The following FBXW7 variants were observed in gnomAD, a reference collection of about 807,000 sequenced individuals.
FBXW7 encodes the protein F-box and WD repeat domain containing 7.
Under a neutral mutation model 86.3 loss-of-function variants are expected in FBXW7, and 11 were observed. The ratio of observed to expected loss-of-function variants is 0.13; its 90% CI spans 0.08 to 0.21. The LOEUF is 0.21. Ranked by LOEUF, FBXW7 falls within the 10% of genes least tolerant of loss-of-function variation. The probability of loss-of-function intolerance (pLI) is 1.00; values close to 1 mark genes in which losing one functional copy is unlikely to be tolerated. For missense variants in FBXW7, 488 were observed against 847.4 expected (o/e 0.58, Z 5.27); for synonymous variants, 313 against 297.9 (o/e 1.05, Z -0.52).
At chr4:152,502,339 C>A (rs1239434145) in intron 2 of FBXW7, among the ~76,000 whole-genome samples, 1 of 152,184 alleles carries the variant, frequency 6.6e-6, no homozygotes, top group South Asian at 2.1e-4. Flanking sequence ...TTATACTCCA[C>A]ATCTCAGGAT....
intron 2 of FBXW7, among the ~76,000 whole-genome samples, chr4:152,446,429 A>G (rs577628870): frequency 1.3e-5 from 2 of 152,080 alleles, no homozygotes; most frequent in East Asian, 3.9e-4. Flanking sequence ...TTCAAGGTCA[A>G]GTATTCTAAT....
At chr4:152,345,967 A>G (rs1026283909) in intron 6 of FBXW7, among the ~76,000 whole-genome samples, 2 of 152,118 alleles carry the variant, frequency 1.3e-5, no homozygotes, top group African/African-American at 4.8e-5. Context: ...TTTTTACATT[A>G]CTATGGAGGC....
At position 152,535,454 on chromosome 4, in the gene FBXW7, C is replaced by T; in HGVS notation, c.-540G>A. 2.5e-6 allele frequency: 1 copy of T among 392,360 alleles called. No individual in the cohort carries two copies. Among genetic ancestry groups the T allele is most frequent in the Non-Finnish European group, 4.5e-6 (1 of 222,426 alleles). The allele number at this position is 392,360 out of a possible 1,614,324, so 24.3% of individuals were successfully genotyped here. ...GCGGCGTCGGTCCTGTTCTCTCCGC[C>T]GCCCCAGCCGCCGCTTCACATCGGG... On this transcript the variant is annotated 5_prime_UTR_variant, in exon 1 of 14. Transcript: ENST00000281708.
At chr4:152,486,047 C>G (rs891773096) in intron 2 of FBXW7, among the ~76,000 whole-genome samples, 2 of 152,098 alleles carry the variant, frequency 1.3e-5, no homozygotes, top group African/African-American at 4.8e-5. Context: ...CTGAATACTG[C>G]CTGGTAACTG....
intron 7 of FBXW7, 107 bp from the exon 8 acceptor site, chr4:152,332,826 G>A (rs535429105): frequency 2.0e-6 from 1 of 492,124 alleles, no homozygotes; most frequent in East Asian, 9.9e-5. Flanking sequence ...ATATAATTCT[G>A]CACTCTGATT....
intron 4 of FBXW7, among the ~76,000 whole-genome samples, chr4:152,392,733 T>C (rs1356892729): frequency 1.3e-5 from 2 of 152,000 alleles, no homozygotes; most frequent in African/African-American, 4.8e-5. Context: ...GTCATCCTAG[T>C]GGAGTGTTAA....
chr4:152,454,262 C>CCCT (rs71596291), intron 2 of FBXW7, among the ~76,000 whole-genome samples: 2 of 113,720 alleles, frequency 1.8e-5, no homozygotes, highest in African/African-American at 6.5e-5. Flanking sequence ...CCCCCCCCCC[C>CCCT]TTTTTTTTTT....
chr4:152,454,259 C>G (rs866726432), intron 2 of FBXW7, among the ~76,000 whole-genome samples: 188 of 131,440 alleles, frequency 1.4e-3, no homozygotes, highest in Middle Eastern at 3.8e-3. Flanking sequence ...AAGCCCCCCC[C>G]CCCTTTTTTT....
intron 2 of FBXW7, among the ~76,000 whole-genome samples, chr4:152,425,897 A>G (rs557068349): frequency 6.6e-6 from 1 of 152,346 alleles, no homozygotes; most frequent in East Asian, 1.9e-4. Flanking sequence ...CAGGGTGAAC[A>G]GAAAATAAAC....
At chr4:152,400,328 C>T (rs914377162) in intron 4 of FBXW7, among the ~76,000 whole-genome samples, 4 of 152,106 alleles carry the variant, frequency 2.6e-5, no homozygotes, top group Non-Finnish European at 5.9e-5. Flanking sequence ...AACTATAAAA[C>T]TCTTAGAAGA....
At chr4:152,530,134 T>C (rs1010910902) in intron 2 of FBXW7, 8 of 150,412 alleles carry the variant, frequency 5.3e-5, no homozygotes, top group South Asian at 4.2e-4. Flanking sequence ...TATATATATA[T>C]ACGTATATAT....
At chr4:152,507,893 GA>G (rs540341471) in intron 2 of FBXW7, among the ~76,000 whole-genome samples, 108 of 140,570 alleles carry the variant, frequency 7.7e-4, no homozygotes, top group Non-Finnish European at 7.5e-4. Context: ...CTCTATTGGA[GA>G]AAAAAAAAAA....
Position 152,321,441 on chromosome 4 carries a change from A to T in FBXW7, c.*1440T>A. The T allele has an allele frequency of 4.3e-6, 1 of 233,056 alleles. No homozygotes were observed. 14.4% of individuals were successfully genotyped at this position (233,056 alleles called of 1,614,324 possible). A position where few individuals can be genotyped will look rare whatever the true frequency, so the allele number is the denominator to read the frequency against. ...ATCAGACTATAAATAAAACAAACAA[A>T]AAAATAAACAGAAGGAGGAAAAAAG... is the stretch of plus-strand genomic sequence containing the variant. On this transcript the variant is annotated 3_prime_UTR_variant, in exon 14 of 14. Transcript: ENST00000281708.
intron 2 of FBXW7, among the ~76,000 whole-genome samples, chr4:152,467,930 A>T (rs1743603773): frequency 6.6e-6 from 1 of 151,972 alleles, no homozygotes. Context: ...ACTAGTTTCC[A>T]GAATATATAA....
In FBXW7 at chr4:152,334,029, G is replaced by A. The variant is rs918737116; in HGVS notation, c.862-1310C>T. On this transcript the variant is annotated intron_variant, in intron 7 of 13. Coordinates refer to ENST00000281708, the MANE Select transcript of FBXW7 (RefSeq NM_001349798.2). ...AGATCACGTCGTTGCACTCCAGCCC[G>A]GGCGACAGACCAAGATTCTGTCTCA... Among the ~76,000 whole-genome samples the A allele has an allele frequency of 5.9e-5, 9 of 151,918 alleles. 1 individual carries two copies. The highest frequency in any genetic ancestry group is 2.1e-4 in the South Asian group (1 of 4,814).
chr4:152,369,127 T>C (rs967216795), intron 4 of FBXW7, among the ~76,000 whole-genome samples: 1 of 152,094 alleles, frequency 6.6e-6, no homozygotes, highest in South Asian at 2.1e-4. Flanking sequence ...ATAAGTACTA[T>C]TACATCAGGA....
intron 3 of FBXW7, among the ~76,000 whole-genome samples, 198 bp from the exon 4 acceptor site, chr4:152,412,070 C>A (rs1738017443): frequency 6.6e-6 from 1 of 152,092 alleles, no homozygotes; most frequent in Non-Finnish European, 1.5e-5. Context: ...AAGACATGCA[C>A]AAAAACCATA....
In FBXW7 at chr4:152,535,665, C is replaced by A. The variant is rs978488078; in HGVS notation, c.-751G>T. On this transcript the variant is annotated 5_prime_UTR_variant, in exon 1 of 14. Transcript: ENST00000281708. ...CGCATGTGTCGCTGCGGCTGGGACC[C>A]CCCTCCCTACACCTTGGGGGTCTCG... 1.3e-5 allele frequency: 5 copies of A among 396,378 alleles called. No individual in the cohort carries two copies. The highest frequency in any genetic ancestry group is 1.0e-4 in the African/African-American group (5 of 48,500). The allele number at this position is 396,378 out of a possible 1,614,324, so 24.6% of individuals were successfully genotyped here.
intron 2 of FBXW7, among the ~76,000 whole-genome samples, chr4:152,508,279 T>A (rs1185978641): frequency 1.3e-5 from 2 of 152,130 alleles, no homozygotes; most frequent in Admixed American, 6.5e-5. Context: ...CATTCTGATA[T>A]ACATAAAACA....
Sources: gnomAD v4.1 joint callset for allele counts (sites outside exome capture counted in the v4.1 genomes callset) on GRCh38, gnomAD v4.1.1 for gene constraint, MANE v1.5 for transcripts, NCBI Gene and HGNC (gene_info 2026-07-23, HGNC 2026-07-21) for gene names.